The following TTC39B variants were observed in gnomAD, a reference collection of about 807,000 sequenced individuals.
TTC39B encodes tetratricopeptide repeat domain 39B, also known as tetratricopeptide repeat protein 39B.
Under a neutral mutation model 96.6 loss-of-function variants are expected in TTC39B, and 92 were observed. That is an observed-to-expected ratio of 0.95 (90% CI 0.80 to 1.13). The LOEUF is 1.13. Among genes scored for constraint, TTC39B ranks in the 50% most tolerant of loss-of-function variants. The pLI, the probability that TTC39B is intolerant of heterozygous loss-of-function variation, is 0.00. For synonymous variants in TTC39B, 367 were observed against 299.4 expected (o/e 1.23, Z -2.33); for missense variants, 955 against 809.3 (o/e 1.18, Z -2.18).
In TTC39B at chr9:15,204,941, T is replaced by C. The variant is rs111871132; in HGVS notation, c.692-1051A>G. Among the ~76,000 whole-genome samples the C allele has an allele frequency of 1.8e-3, 278 of 152,326 alleles. 3 individuals carry two copies. Among genetic ancestry groups the C allele is most frequent in the African/African-American group, 6.5e-3 (272 of 41,574 alleles). On this transcript the variant is annotated intron_variant, in intron 6 of 19. Coordinates refer to ENST00000512701, the Ensembl canonical transcript of TTC39B. The stretch of plus-strand genomic sequence containing the variant: ...TGCAGAGGATGGAGAGACAAACCTT[T>C]ACTTTTTTCCATACACAAGTCAGCA...
chr9:15,178,572 C>T (rs1261286543), intron 17 of TTC39B, among the ~76,000 whole-genome samples: 1 of 152,208 alleles, frequency 6.6e-6, no homozygotes, highest in Non-Finnish European at 1.5e-5. Flanking sequence ...AAGACCCCAT[C>T]TGATATACAC....
chr9:15,200,675 A>T (rs557615230), intron 7 of TTC39B, among the ~76,000 whole-genome samples: 3 of 152,356 alleles, frequency 2.0e-5, no homozygotes, highest in African/African-American at 7.2e-5. Context: ...TTGCATATCC[A>T]GAGAGAAAGT....
At chr9:15,266,940 C>A (rs138757617) in intron 2 of TTC39B, among the ~76,000 whole-genome samples, 2 of 152,046 alleles carry the variant, frequency 1.3e-5, no homozygotes, top group Admixed American at 1.3e-4. Flanking sequence ...AATAGCCTGG[C>A]GTGGTGGCGG....
At chr9:15,200,027 C>CA (rs934564807) in intron 7 of TTC39B, 102 bp from the exon 8 acceptor site, 33 of 594,462 alleles carry the variant, frequency 5.6e-5, no homozygotes, top group Non-Finnish European at 7.3e-5. Flanking sequence ...AACAAACAAA[C>CA]AAAAAAAAGT....
chr9:15,167,246 G>C (rs2761130), exon 20 of TTC39B: 1 of 106,458 alleles, frequency 9.4e-6, no homozygotes, highest in African/African-American at 3.6e-5. Flanking sequence ...GGTTCTCACT[G>C]TATTGCCCAG....
At chr9:15,202,450 G>A (rs1251784587) in intron 7 of TTC39B, among the ~76,000 whole-genome samples, 5 of 152,110 alleles carry the variant, frequency 3.3e-5, no homozygotes, top group Admixed American at 1.3e-4. Context: ...AGTGGCTCAC[G>A]TCTATAATCC....
At chr9:15,189,987 A>G (rs1287601197) in intron 11 of TTC39B, among the ~76,000 whole-genome samples, 195 bp from the exon 12 acceptor site, 4 of 152,258 alleles carry the variant, frequency 2.6e-5, no homozygotes, top group African/African-American at 7.2e-5. Flanking sequence ...AAGCTCTAGG[A>G]CACACTAATT....
chr9:15,177,844 C>T (rs754222345), intron 17 of TTC39B, 30 bp from the exon 18 acceptor site: 2 of 1,240,354 alleles, frequency 1.6e-6, no homozygotes, highest in African/African-American at 1.6e-5. Flanking sequence ...AAAGAAAACA[C>T]ACAAAGAAAA....
chr9:15,180,708 A>C lies in TTC39B; in HGVS notation c.1723+1599T>G, dbSNP rs187952034. ...ACTTCTCTCCATTTTCCAATTATGG[A>C]CTTTTTCTTCCCTGCTCTGAAGGAT... On this transcript the variant is annotated intron_variant, in intron 17 of 19. Coordinates refer to ENST00000512701, the Ensembl canonical transcript of TTC39B. Among the ~76,000 whole-genome samples, 8 of 152,242 alleles carry C rather than the reference A, an allele frequency of 5.3e-5. No individual in the cohort carries two copies. In the East Asian group the frequency reaches 1.5e-3, roughly 29 times the overall value.
chr9:15,261,295 A>G (rs957497518), intron 2 of TTC39B, among the ~76,000 whole-genome samples: 1 of 152,038 alleles, frequency 6.6e-6, no homozygotes, highest in Non-Finnish European at 1.5e-5. Context: ...CCTGGGTAAC[A>G]TAGGGAGACT....
At chr9:15,291,776 C>T (rs568163681) in intron 1 of TTC39B, among the ~76,000 whole-genome samples, 1 of 152,298 alleles carries the variant, frequency 6.6e-6, no homozygotes, top group South Asian at 2.1e-4. Context: ...TCTTCCCTGA[C>T]ACACCTGAAT....
At chr9:15,174,454 C>A (rs1817820516) in intron 19 of TTC39B, among the ~76,000 whole-genome samples, 1 of 152,102 alleles carries the variant, frequency 6.6e-6, no homozygotes, top group Non-Finnish European at 1.5e-5. Context: ...CTATTGTCTA[C>A]CAGAATTGAT....
Position 15,289,227 on chromosome 9 carries a change from A to C in TTC39B, c.240+17857T>G, listed in dbSNP as rs147520778. Reference sequence around the variant, plus strand: ...AATAAAAACAAAACCTTTCCTCCCAAAAATAAAATGACTATCAGTAAATGA... The same window carrying C: ...AATAAAAACAAAACCTTTCCTCCCACAAATAAAATGACTATCAGTAAATGA... On this transcript the variant is annotated intron_variant, in intron 1 of 19. Transcript: ENST00000512701. 2.5e-3 allele frequency among the ~76,000 whole-genome samples: 383 copies of C among 152,348 alleles called. 1 individual carries two copies. The highest frequency in any genetic ancestry group is 8.5e-3 in the African/African-American group (352 of 41,582).
chr9:15,251,698 TAC>T (rs1352963388), intron 2 of TTC39B, among the ~76,000 whole-genome samples: 10 of 77,720 alleles, frequency 1.3e-4, no homozygotes, highest in Non-Finnish European at 1.8e-4. Flanking sequence ...CACATACATA[TAC>T]ATATATATAT....
intron 7 of TTC39B, among the ~76,000 whole-genome samples, chr9:15,203,417 AT>A (rs538878569): frequency 0.064 from 9,196 of 142,764 alleles, 928 homozygotes; most frequent in African/African-American, 0.21. Flanking sequence ...TGCCTGGCTA[AT>A]TTTTTTTTTT....
At chr9:15,280,856 C>A (rs1350541538) in intron 1 of TTC39B, among the ~76,000 whole-genome samples, 3 of 152,304 alleles carry the variant, frequency 2.0e-5, no homozygotes, top group East Asian at 1.9e-4. Context: ...TAGAATGCCT[C>A]TCTCAGGGCT....
intron 1 of TTC39B, among the ~76,000 whole-genome samples, chr9:15,272,959 C>T (rs1422822425): frequency 6.6e-6 from 1 of 152,186 alleles, no homozygotes; most frequent in Non-Finnish European, 1.5e-5. Context: ...CTACCTCTGC[C>T]TCCAGATCAT....
At chr9:15,272,658 C>G (rs1823399061) in intron 1 of TTC39B, among the ~76,000 whole-genome samples, 1 of 152,192 alleles carries the variant, frequency 6.6e-6, no homozygotes, top group Admixed American at 6.5e-5. Flanking sequence ...CTAACTTGTT[C>G]AAGAGCCTAT....
At position 15,173,422 on chromosome 9, in the gene TTC39B, T is replaced by C. The variant is rs191699743; in HGVS notation, c.1959-1313A>G. 1.4e-4 allele frequency among the ~76,000 whole-genome samples: 22 copies of C among 152,298 alleles called. No individual in the cohort carries two copies. In the East Asian group the frequency reaches 3.7e-3, roughly 25 times the overall value. On this transcript the variant is annotated intron_variant, in intron 19 of 19. Coordinates refer to ENST00000512701, the Ensembl canonical transcript of TTC39B. Reference sequence around the variant, plus strand: ...GAGTTGCCTAAAGTAGCGGACTCCATTTTGTTTGTCACCTCATTTGTCAAG... The same window carrying C: ...GAGTTGCCTAAAGTAGCGGACTCCACTTTGTTTGTCACCTCATTTGTCAAG...
Sources: allele counts gnomAD v4.1 joint callset (sites outside exome capture counted in the v4.1 genomes callset), GRCh38; gene constraint gnomAD v4.1.1; transcripts MANE v1.5; gene names NCBI Gene and HGNC (gene_info 2026-07-23, HGNC 2026-07-21).